Variants in TUT7 observed in about 807,000 individuals in gnomAD.
TUT7 encodes terminal uridylyltransferase 7.
A neutral mutation model predicts 165.9 loss-of-function variants in TUT7; 33 were observed. The ratio of observed to expected loss-of-function variants is 0.20; its 90% CI spans 0.15 to 0.27. TUT7 has a LOEUF of 0.27. TUT7 is among the 10% of genes least tolerant of loss of function. TUT7 has a pLI of 1.00. For synonymous variants in TUT7, 552 were observed against 608.1 expected (o/e 0.91, Z 1.36); for missense variants, 1,338 against 1,762.3 (o/e 0.76, Z 4.31).
rs746971309 is a variant in TUT7 at position 86,301,371 on chromosome 9, C to G, written c.4325G>C (p.Arg1442Thr). ...TTCTCTTAAGTCTTTGTCATCCTGTCTCTTCCATTTTTCTACTGGTGGCCT... is the reference window on the plus strand; with the variant it reads ...TTCTCTTAAGTCTTTGTCATCCTGTGTCTTCCATTTTTCTACTGGTGGCCT... ...ILRPPVEKWK[R>T]QDDKDLREKR... is the part of the protein sequence containing the mutation. Residue 1442 changes from arginine to threonine, a missense_variant, in exon 26 of 27, where the codon AGA becomes ACA. Transcript: ENST00000375963. 6.2e-7 allele frequency: 1 copy of G among 1,614,002 alleles called. No homozygotes were observed. Among genetic ancestry groups the G allele is most frequent in the African/African-American group, 1.3e-5 (1 of 74,912 alleles).
chr9:86,351,929 T>C (rs2131630222), intron 2 of TUT7, among the ~76,000 whole-genome samples: 1 of 152,338 alleles, frequency 6.6e-6, no homozygotes, highest in South Asian at 2.1e-4. Flanking sequence ...ATAACCTTCC[T>C]GTTTGCAGAA....
intron 17 of TUT7, 113 bp from the exon 18 acceptor site, chr9:86,310,922 T>C: frequency 1.6e-6 from 1 of 634,232 alleles, no homozygotes; most frequent in Non-Finnish European, 2.8e-6. Flanking sequence ...CCTGTTTCAT[T>C]GCATTCATTA....
intron 26 of TUT7, among the ~76,000 whole-genome samples, chr9:86,291,738 C>T (rs900092660): frequency 6.6e-6 from 1 of 152,150 alleles, no homozygotes; most frequent in African/African-American, 2.4e-5. Flanking sequence ...AAATGACCCA[C>T]ACACTGCTGG....
chr9:86,297,928 T>TTTTTTTTG (rs1190164193), intron 26 of TUT7, among the ~76,000 whole-genome samples: 1 of 143,218 alleles, frequency 7.0e-6, no homozygotes, highest in African/African-American at 2.7e-5. Context: ...CCACTTTTTT[T>TTTTTTTTG]TTTTTTTCAA....
At chr9:86,295,550 A>G (rs1000086092) in intron 26 of TUT7, among the ~76,000 whole-genome samples, 10 of 152,176 alleles carry the variant, frequency 6.6e-5, no homozygotes, top group African/African-American at 1.9e-4. Context: ...TGGTATATTA[A>G]TACACTAGAA....
intron 17 of TUT7, among the ~76,000 whole-genome samples, chr9:86,312,925 G>A (rs1005191134): frequency 1.3e-5 from 2 of 152,004 alleles, no homozygotes; most frequent in South Asian, 4.2e-4. Context: ...TGCTCGTTAA[G>A]AGTCATCACC....
At chr9:86,340,481 A>C (rs1168961364) in intron 7 of TUT7, among the ~76,000 whole-genome samples, 1 of 152,220 alleles carries the variant, frequency 6.6e-6, no homozygotes, top group Non-Finnish European at 1.5e-5. Flanking sequence ...AATTTAACCA[A>C]AACAAGGAGG....
At chr9:86,308,724 T>C (rs1827754426) in intron 21 of TUT7, 118 bp from the exon 22 acceptor site, 3 of 790,444 alleles carry the variant, frequency 3.8e-6, no homozygotes, top group East Asian at 2.8e-5. Context: ...AGCTCAATTA[T>C]GCAACTTTTC....
intron 3 of TUT7, among the ~76,000 whole-genome samples, 155 bp downstream of exon 3, chr9:86,346,144 T>G (rs1424893493): frequency 6.6e-6 from 1 of 152,144 alleles, no homozygotes; most frequent in Non-Finnish European, 1.5e-5. Flanking sequence ...CTAATCCTAT[T>G]AAATCACACT....
At position 86,301,453 on chromosome 9, in the gene TUT7, G is replaced by C; in HGVS notation, c.4243C>G (p.Pro1415Ala). ...GCCCGCATTGGCTTGGCTTTCTGAG[G>C]TGTGCACTGTATGGGCTTATCTTCT... The part of the protein sequence containing the change: ...TKEDKPIQCT[P>A]QKAKPMRAAA... The change falls in exon 26 of 27, where the codon CCT becomes GCT. Residue 1415 changes from proline (P) to alanine (A), a missense_variant. Pro to Ala is a conservative substitution (Grantham distance 27). Transcript: ENST00000375963. 2 of 1,614,102 alleles carry C rather than the reference G, an allele frequency of 1.2e-6. No homozygotes were observed. The highest frequency in any genetic ancestry group is 3.3e-5 in the Admixed American group (2 of 60,014).
At chr9:86,338,678 C>T (rs1030966651) in intron 9 of TUT7, 145 bp downstream of exon 9, 14 of 825,946 alleles carry the variant, frequency 1.7e-5, no homozygotes, top group African/African-American at 9.0e-5. Flanking sequence ...TCCGTCTGTA[C>T]GTTTCTGTTG....
chr9:86,300,610 C>T (rs1458634377), intron 26 of TUT7, among the ~76,000 whole-genome samples: 3 of 152,178 alleles, frequency 2.0e-5, no homozygotes, highest in Admixed American at 1.3e-4. Flanking sequence ...CCACAATAGA[C>T]ATTTCACCCA....
At chr9:86,294,996 T>C (rs889661295) in intron 26 of TUT7, among the ~76,000 whole-genome samples, 9 of 152,120 alleles carry the variant, frequency 5.9e-5, no homozygotes, top group African/African-American at 2.2e-4. Context: ...GCTTAAAAAT[T>C]CAATTTATAG....
In TUT7 at chr9:86,323,321, G is replaced by C. The variant is rs1296336068; in HGVS notation, c.2429C>G (p.Ala810Gly). ...CEGLATLDNKADLDGESTEGT... is the reference protein window; with the variant it reads ...CEGLATLDNKGDLDGESTEGT... Reference sequence around the variant, plus strand: ...TTCTGTACTTTCTCCATCAAGATCAGCCTTGTTATCTAAAGTGGCAAGTCC... The same window carrying C: ...TTCTGTACTTTCTCCATCAAGATCACCCTTGTTATCTAAAGTGGCAAGTCC... The change falls in exon 13 of 27, where the codon GCT becomes GGT. Residue 810 changes from alanine to glycine, a missense_variant. This residue lies in a region of TUT7 where 425 missense variants were observed against 474.9 expected (regional missense o/e 0.89). Transcript: ENST00000375963. 2 of 1,614,104 alleles carry C rather than the reference G, an allele frequency of 1.2e-6. No individual in the cohort carries two copies. Among genetic ancestry groups the C allele is most frequent in the Non-Finnish European group, 1.7e-6 (2 of 1,180,028 alleles).
intron 25 of TUT7, among the ~76,000 whole-genome samples, chr9:86,302,669 T>G (rs907135357): frequency 4.8e-5 from 7 of 146,824 alleles, no homozygotes; most frequent in Non-Finnish European, 8.9e-5. Context: ...CAGGCTGGAG[T>G]GCAATGGCGT....
At chr9:86,324,066 G>T in intron 12 of TUT7, 106 bp from the exon 13 acceptor site, 1 of 1,040,628 alleles carries the variant, frequency 9.6e-7, no homozygotes, top group South Asian at 2.2e-5. Context: ...AACAAACAAT[G>T]GTAAAATTTA....
At chr9:86,330,650 TC>T (rs1398521024) in intron 10 of TUT7, among the ~76,000 whole-genome samples, 1 of 152,214 alleles carries the variant, frequency 6.6e-6, no homozygotes, top group Admixed American at 6.5e-5. Context: ...TGTTAAGAAA[TC>T]CTTTCTGCAA....
chr9:86,339,420 A>G (rs1243165332), intron 8 of TUT7, among the ~76,000 whole-genome samples: 1 of 152,142 alleles, frequency 6.6e-6, no homozygotes, highest in Non-Finnish European at 1.5e-5. Flanking sequence ...CGGAAGTCTG[A>G]GGCAGGAGAA....
In TUT7 at chr9:86,300,485, C is replaced by T. The variant is rs925115765; in HGVS notation, c.4420+791G>A. Among the ~76,000 whole-genome samples, 8 of 152,152 alleles carry T rather than the reference C, an allele frequency of 5.3e-5. 1 individual carries two copies. ...CCAAATATTTCTTTTCTATGCTTAT[C>T]AAATTTCATCACTTGCACAGTTCTG... On this transcript the variant is annotated intron_variant, in intron 26 of 26. Coordinates refer to ENST00000375963, the MANE Select transcript of TUT7 (RefSeq NM_024617.4).
Sources: allele counts gnomAD v4.1 joint callset (sites outside exome capture counted in the v4.1 genomes callset), GRCh38; gene constraint gnomAD v4.1.1; regional missense constraint gnomAD v4.1.1; transcripts MANE v1.5; gene names NCBI Gene and HGNC (gene_info 2026-07-23, HGNC 2026-07-21).